ITIH6: variants seen among roughly 807,000 people sequenced by gnomAD.
The protein encoded by ITIH6 is inter-alpha-trypsin inhibitor heavy chain H6.
Under a neutral mutation model 58.2 loss-of-function variants are expected in ITIH6, and 60 were observed. The ratio of observed to expected loss-of-function variants is 1.03; its 90% CI spans 0.84 to 1.28. ITIH6 has a LOEUF of 1.28. Ranked by LOEUF, ITIH6 falls within the 50% of genes most tolerant of loss-of-function variation. The probability of loss-of-function intolerance (pLI) is 0.00; values close to 1 mark genes in which losing one functional copy is unlikely to be tolerated. For missense variants in ITIH6, 1,290 were observed against 1,021.1 expected (o/e 1.26, Z -3.59); for synonymous variants, 493 against 417.4 (o/e 1.18, Z -2.21).
intron 5 of ITIH6, among the ~76,000 whole-genome samples, chrX:54,777,223 G>A (rs1246407018): frequency 8.9e-6 from 1 of 112,824 alleles, no homozygotes; most frequent in Non-Finnish European, 1.9e-5. Context: ...TTCTGCCTTT[G>A]AAAAGGGAAA....
In ITIH6 at chrX:54,757,296, G is replaced by A. The variant is rs1928513970; in HGVS notation, c.2778C>T (p.Pro926=). The part of the protein sequence containing the change: ...STTTTSVLGE[P]LPMPFTPTLP... Reference sequence around the variant, plus strand: ...GAGTGGGAGTAAAGGGCATGGGGAGGGGTTCTCCAAGGACAGAGGTGGTTG... The same window carrying A: ...GAGTGGGAGTAAAGGGCATGGGGAGAGGTTCTCCAAGGACAGAGGTGGTTG... Residue 926 remains proline (P), a synonymous_variant, in exon 8 of 13, where the codon CCC becomes CCT. Transcript: ENST00000218436. The A allele has an allele frequency of 8.4e-7, 1 of 1,192,316 alleles. No individual in the cohort carries two copies. The highest frequency in any genetic ancestry group is 1.9e-5 in the South Asian group (1 of 53,667).
chrX:54,790,648 A>G (rs1929327288), intron 4 of ITIH6, among the ~76,000 whole-genome samples, 189 bp downstream of exon 4: 1 of 111,540 alleles, frequency 9.0e-6, no homozygotes, highest in African/African-American at 3.3e-5. Context: ...TATAGCCTGT[A>G]AGGACCAGGC....
At chrX:54,754,965 G>C (rs1483793291) in intron 9 of ITIH6, 52 bp downstream of exon 9, 1 of 922,297 alleles carries the variant, frequency 1.1e-6, no homozygotes, top group Non-Finnish European at 1.6e-6. Flanking sequence ...GAATTCTAAT[G>C]GAATGGAAAT....
chrX:54,768,802 GC>G (rs1928868216), intron 6 of ITIH6, among the ~76,000 whole-genome samples: 2 of 103,628 alleles, frequency 1.9e-5, no homozygotes, highest in South Asian at 8.6e-4. Context: ...CTCTCTGGCT[GC>G]CCTTAACATT....
intron 5 of ITIH6, among the ~76,000 whole-genome samples, chrX:54,778,523 G>T (rs982735068): frequency 5.4e-5 from 6 of 111,621 alleles, no homozygotes; most frequent in Admixed American, 2.9e-4. Context: ...AAGCAGAATT[G>T]TTCAACCAGA....
At chrX:54,793,737 G>A (rs1002906171) in intron 2 of ITIH6, among the ~76,000 whole-genome samples, 1 of 111,745 alleles carries the variant, frequency 8.9e-6, no homozygotes, top group Non-Finnish European at 1.9e-5. Flanking sequence ...TTTGACTGGA[G>A]TGGAGGGGCA....
chrX:54,772,943 G>A (rs901644139), intron 6 of ITIH6, among the ~76,000 whole-genome samples: 1 of 111,301 alleles, frequency 9.0e-6, no homozygotes. Flanking sequence ...GCTAATTTTT[G>A]TATTTTTAGT....
intron 5 of ITIH6, 85 bp from the exon 6 acceptor site, chrX:54,774,282 A>T: frequency 2.2e-6 from 1 of 453,593 alleles, no homozygotes; most frequent in Non-Finnish European, 3.7e-6. Flanking sequence ...ATTTTCCTGC[A>T]TAACACTGTG....
At chrX:54,774,865 G>C (rs905426790) in intron 5 of ITIH6, among the ~76,000 whole-genome samples, 6 of 111,933 alleles carry the variant, frequency 5.4e-5, no homozygotes, top group African/African-American at 2.0e-4. Context: ...GGGGAGGGGA[G>C]GGGGGCTGGG....
chrX:54,788,766 C>T (rs2147619972), intron 4 of ITIH6, 117 bp from the exon 5 acceptor site: 2 of 559,560 alleles, frequency 3.6e-6, no homozygotes, highest in African/African-American at 2.3e-5. Flanking sequence ...CTAACTCTTC[C>T]CCAAACCTCT....
intron 11 of ITIH6, among the ~76,000 whole-genome samples, chrX:54,751,936 G>C (rs1928371958): frequency 9.0e-6 from 1 of 111,433 alleles, no homozygotes; most frequent in East Asian, 2.8e-4. Context: ...AGCAGAGTAT[G>C]TTTGCTGCCT....
At chrX:54,753,621 G>A in intron 11 of ITIH6, 30 bp downstream of exon 11, 2 of 1,059,713 alleles carry the variant, frequency 1.9e-6, no homozygotes, top group Non-Finnish European at 2.6e-6. Flanking sequence ...CAGCTTTGGT[G>A]TATGGTGATG....
At position 54,751,215 on chromosome X, in the gene ITIH6, C is replaced by T. The variant is rs771046588; in HGVS notation, c.3518G>A (p.Arg1173His). The change falls in exon 12 of 13, where the codon CGC (arginine) becomes CAC (histidine). Residue 1173 changes from arginine (R) to histidine (H), a missense_variant. Transcript: ENST00000218436. ...SISLRGEGTLRLSWDQPALLK... is the reference protein window; with the variant it reads ...SISLRGEGTLHLSWDQPALLK... The stretch of plus-strand genomic sequence containing the variant: ...CAGGGCAGGTTGGTCCCAGGACAGG[C>T]GCAAGGTACCCTCGCCTCGCAAAGA... 7.4e-6 allele frequency: 9 copies of T among 1,210,200 alleles called. No homozygotes were observed. Among genetic ancestry groups the T allele is most frequent in the South Asian group, 3.5e-5 (2 of 56,790 alleles).
At chrX:54,777,378 C>A (rs1410233520) in intron 5 of ITIH6, among the ~76,000 whole-genome samples, 2 of 112,838 alleles carry the variant, frequency 1.8e-5, no homozygotes, top group African/African-American at 6.4e-5. Flanking sequence ...CCTGAAGGAA[C>A]TCACTATCCC....
intron 5 of ITIH6, 97 bp from the exon 6 acceptor site, chrX:54,774,294 T>C: frequency 7.3e-6 from 3 of 410,720 alleles, no homozygotes; most frequent in Non-Finnish European, 1.2e-5. Context: ...AACACTGTGC[T>C]TTGTTCCCCA....
Position 54,753,948 on chromosome X carries a change from A to G in ITIH6, c.3220T>C (p.Phe1074Leu). Residue 1074 changes from phenylalanine (F) to leucine (L), a missense_variant, in exon 10 of 13, where the codon TTC (phenylalanine) becomes CTC (leucine). Physicochemically the swap from Phe to Leu is conservative, Grantham distance 22. Transcript: ENST00000218436. ...GLAKGTLPSI[F>L]TFSSSVDGDP... ...GGCTTACCTGAGGAGGAGAAGGTGAAGATGCTAGGCAATGTGCCTGCAAAG... is the reference window on the plus strand; with the variant it reads ...GGCTTACCTGAGGAGGAGAAGGTGAGGATGCTAGGCAATGTGCCTGCAAAG... The G allele has an allele frequency of 2.5e-6, 3 of 1,210,048 alleles. No homozygotes were observed. Among genetic ancestry groups the G allele is most frequent in the Non-Finnish European group, 3.4e-6 (3 of 894,545 alleles).
intron 5 of ITIH6, chrX:54,787,671 G>A (rs1354909949): frequency 8.9e-6 from 1 of 111,818 alleles, no homozygotes; most frequent in Non-Finnish European, 1.9e-5. Flanking sequence ...ATTGTTGGTG[G>A]ACTGGAGTCA....
intron 6 of ITIH6, among the ~76,000 whole-genome samples, chrX:54,762,045 C>T (rs1431629455): frequency 1.8e-5 from 2 of 111,829 alleles, no homozygotes; most frequent in African/African-American, 6.5e-5. Flanking sequence ...GCCATTTTCA[C>T]GACATTGATT....
chrX:54,757,761 G>T lies in ITIH6; in HGVS notation c.2313C>A (p.Pro771=), dbSNP rs1213042851. Residue 771 remains proline, a synonymous_variant, in exon 8 of 13, where the codon CCC becomes CCA. Coordinates refer to ENST00000218436, the MANE Select transcript of ITIH6 (RefSeq NM_198510.3). ...TAACACATTTCACAGTGTCAGCTTT[G>T]GGCGAGGCTGGGATGCCAGGTTTCA... The part of the protein sequence containing the change: ...PPVKPGIPAS[P]KADTVKCVTP... The T allele has an allele frequency of 8.3e-7, 1 of 1,209,647 alleles. No individual in the cohort carries two copies. Among genetic ancestry groups the T allele is most frequent in the Non-Finnish European group, 1.1e-6 (1 of 895,126 alleles).
Sources: gnomAD v4.1 joint callset for allele counts (sites outside exome capture counted in the v4.1 genomes callset) on GRCh38, gnomAD v4.1.1 for gene constraint, MANE v1.5 for transcripts, NCBI Gene and HGNC (gene_info 2026-07-23, HGNC 2026-07-21) for gene names.